CHRD: variants seen among roughly 807,000 people sequenced by gnomAD.
The protein encoded by CHRD is chordin.
Under a neutral mutation model 113.7 loss-of-function variants are expected in CHRD, and 69 were observed. That is an observed-to-expected ratio of 0.61 (90% CI 0.50 to 0.74). CHRD has a LOEUF of 0.74. CHRD is among the 30% of genes least tolerant of loss of function. CHRD has a pLI of 0.00. For synonymous variants in CHRD, 561 were observed against 540.8 expected (o/e 1.04, Z -0.52); for missense variants, 1,194 against 1,295.8 (o/e 0.92, Z 1.21).
chr3:184,390,470 T>C (rs1716986653), downstream of CHRD: 1 of 151,990 alleles, frequency 6.6e-6, no homozygotes. Context: ...AAACTCGTGT[T>C]CTGGACCAGT....
Position 184,388,236 on chromosome 3 carries a change from C to T in CHRD, c.2554+203C>T, listed in dbSNP as rs1347183583. Among the ~76,000 whole-genome samples the T allele has an allele frequency of 2.2e-5, 3 of 136,078 alleles. No individual in the cohort carries two copies. Among genetic ancestry groups the T allele is most frequent in the Admixed American group, 1.6e-4 (2 of 12,748 alleles). 89.3% of individuals were successfully genotyped at this position (136,078 alleles called of 152,430 possible). A position where few individuals can be genotyped will look rare whatever the true frequency, so the allele number is the denominator to read the frequency against. On this transcript the variant is annotated intron_variant, in intron 20 of 22. Coordinates refer to ENST00000204604, the Ensembl canonical transcript of CHRD. The surrounding 1 kb of genome is among the most constrained non-coding windows in gnomAD (Gnocchi z 6.1). Reference sequence around the variant, plus strand: ...GGTTCTGGTTCCTGCTCCATCCATCCGTCCATCCATCCATCCATCCATCCA... The same window carrying T: ...GGTTCTGGTTCCTGCTCCATCCATCTGTCCATCCATCCATCCATCCATCCA...
Position 184,383,179 on chromosome 3 carries a change from G to GGA in CHRD, c.1213+17_1213+18insAG, listed in dbSNP as rs1715740714. 1 of 1,593,832 alleles carries GGA rather than the reference G, an allele frequency of 6.3e-7. No individual in the cohort carries two copies. The highest frequency in any genetic ancestry group is 1.7e-5 in the Admixed American group (1 of 59,154). ...AGCTGCGACGGTGAGGCGGGGGGGG[G>GGA]GCCTGGTGCGCCGGGCATGCACAAC... On this transcript the variant is annotated intron_variant, in intron 10 of 22. Transcript: ENST00000204604.
At position 184,387,333 on chromosome 3, in the gene CHRD, T is replaced by G; in HGVS notation, c.2348-41T>G. ...AAGCCTTGGTTGTGGGCCCAGCTGA[T>G]GAGCTCATACTAATGGCTGCTGGGC... On this transcript the variant is annotated intron_variant, in intron 18 of 22. Coordinates refer to ENST00000204604, the Ensembl canonical transcript of CHRD. The surrounding 1 kb of genome is among the most constrained non-coding windows in gnomAD (Gnocchi z 6.1). 2.1e-4 allele frequency: 335 copies of G among 1,569,462 alleles called. No homozygotes were observed. The highest frequency in any genetic ancestry group is 2.6e-4 in the Non-Finnish European group (303 of 1,156,196).
Position 184,380,444 on chromosome 3 carries a change from G to T in CHRD, c.126G>T (p.Pro42=). ...TGCCCATCCGTTCTGAGAAGGAGCC[G>T]CTGCCCGTTCGGGGAGCGGCAGGTA... is the stretch of plus-strand genomic sequence containing the variant. Residue 42 remains proline (P), a synonymous_variant, in exon 1 of 23, where the codon CCG becomes CCT. Coordinates refer to ENST00000204604, the Ensembl canonical transcript of CHRD. The surrounding 1 kb of genome is among the most constrained non-coding windows in gnomAD (Gnocchi z 6.3). The T allele has an allele frequency of 8.8e-6, 11 of 1,244,930 alleles. No homozygotes were observed. The highest frequency in any genetic ancestry group is 1.1e-5 in the Non-Finnish European group (11 of 989,958). The allele number at this position is 1,244,930 out of a possible 1,614,324, so 77.1% of individuals were successfully genotyped here.
chr3:184,387,900 C>T lies in CHRD; in HGVS notation c.2452-31C>T, dbSNP rs1166712797. The T allele has an allele frequency of 6.3e-7, 1 of 1,581,430 alleles. No individual in the cohort carries two copies. The highest frequency in any genetic ancestry group is 1.1e-5 in the South Asian group (1 of 87,630). ...GGCAGGAGGCTTATGTGCCCCCTGC[C>T]TGACACTCCTTGCTCAATGGATCCC... On this transcript the variant is annotated intron_variant, in intron 19 of 22. Transcript: ENST00000204604. The surrounding 1 kb of genome is among the most constrained non-coding windows in gnomAD (Gnocchi z 6.1).
chr3:184,381,655 T>C lies in CHRD; in HGVS notation c.511+31T>C, dbSNP rs1201631570. 1.2e-6 allele frequency: 2 copies of C among 1,605,038 alleles called. No individual in the cohort carries two copies. The highest frequency in any genetic ancestry group is 1.3e-5 in the African/African-American group (1 of 74,810). ...GGGCTGGCGAACAGCGGGGTTGTGG[T>C]TGAGGCTGGGCCACCAAAGCGGCGT... is the stretch of plus-strand genomic sequence containing the variant. On this transcript the variant is annotated intron_variant, in intron 4 of 22. Coordinates refer to ENST00000204604, the Ensembl canonical transcript of CHRD. The surrounding 1 kb of genome is among the most constrained non-coding windows in gnomAD (Gnocchi z 4.7).
At chr3:184,382,610 C>T in intron 7 of CHRD, 24 bp from the exon 8 acceptor site, 2 of 1,610,698 alleles carry the variant, frequency 1.2e-6, no homozygotes, top group Non-Finnish European at 8.5e-7. Flanking sequence ...TTCTGACGGG[C>T]TCTCATCATC....
At chr3:184,385,935 T>C (rs1577401975) in intron 14 of CHRD, 111 bp from the exon 15 acceptor site, 1 of 1,120,998 alleles carries the variant, frequency 8.9e-7, no homozygotes, top group East Asian at 2.4e-5. Flanking sequence ...TTTGCTACCA[T>C]GAAGACTTTA....
At chr3:184,385,300 G>T in intron 14 of CHRD, 62 bp downstream of exon 14, 1 of 1,263,718 alleles carries the variant, frequency 7.9e-7, no homozygotes, top group Non-Finnish European at 1.1e-6. Context: ...GAAGGGCTGT[G>T]TGGGCCTGTG....
rs201217692 is a variant in CHRD, at chr3:184,387,137, A to G, written c.2347+30A>G. The G allele has an allele frequency of 2.7e-4, 427 of 1,601,450 alleles. 7 individuals carry two copies. The East Asian group carries it at 6.5e-3, about 24-fold the overall frequency. Reference sequence around the variant, plus strand: ...GCTGGAAGGGTGCGTGCAGGGTGGGAGGCCCCAGAGGAGCCATTAGGTTGA... The same window carrying G: ...GCTGGAAGGGTGCGTGCAGGGTGGGGGGCCCCAGAGGAGCCATTAGGTTGA... On this transcript the variant is annotated intron_variant, in intron 18 of 22. Coordinates refer to ENST00000204604, the Ensembl canonical transcript of CHRD. This position sits in a 1 kb window ranked among gnomAD's most constrained non-coding sequence, Gnocchi z 6.1.
In CHRD at chr3:184,388,014, C is replaced by T. The variant is rs1716595168; in HGVS notation, c.2535C>T (p.Asp845=). 6.2e-7 allele frequency: 1 copy of T among 1,613,684 alleles called. No homozygotes were observed. The highest frequency in any genetic ancestry group is 8.5e-7 in the Non-Finnish European group (1 of 1,179,918). The stretch of plus-strand genomic sequence containing the variant: ...AGCCTGTGCGTGTCAACCCCACCGA[C>T]TGCTGCAAACAGTGTCCAGGTGAGA... Residue 845 remains aspartate, a synonymous_variant, in exon 20 of 23, where the codon GAC becomes GAT. Coordinates refer to ENST00000204604, the Ensembl canonical transcript of CHRD. The surrounding 1 kb of genome is among the most constrained non-coding windows in gnomAD (Gnocchi z 6.1).
chr3:184,385,987 G>T (rs1236095883), intron 14 of CHRD, 59 bp from the exon 15 acceptor site: 1 of 1,545,210 alleles, frequency 6.5e-7, no homozygotes, highest in Admixed American at 1.7e-5. Context: ...TGTGAACTGG[G>T]GACAGTAGGC....
rs2108637729 is a variant in CHRD at position 184,380,823 on chromosome 3, C to T, written c.252+28C>T. The T allele has an allele frequency of 4.6e-6, 7 of 1,529,114 alleles. No individual in the cohort carries two copies. In the South Asian group the frequency reaches 6.1e-5, roughly 13 times the overall value. 94.7% of individuals were successfully genotyped at this position (1,529,114 alleles called of 1,614,324 possible). ...GAGTGCACCCCGCGGCCGGCCCGGGCCCTGGCGGGTGGGGAGCGCCGGGTC... is the reference window on the plus strand; with the variant it reads ...GAGTGCACCCCGCGGCCGGCCCGGGTCCTGGCGGGTGGGGAGCGCCGGGTC... On this transcript the variant is annotated intron_variant, in intron 2 of 22. Transcript: ENST00000204604. The surrounding 1 kb of genome is among the most constrained non-coding windows in gnomAD (Gnocchi z 6.3).
chr3:184,387,081 T>C lies in CHRD; in HGVS notation c.2321T>C (p.Leu774Pro). Residue 774 changes from leucine to proline, a missense_variant, in exon 18 of 23, where the codon CTG (leucine) becomes CCG (proline). Transcript: ENST00000204604. The surrounding 1 kb of genome is among the most constrained non-coding windows in gnomAD (Gnocchi z 6.1). ...CAAGATGTCAGAGACTTGCCAGGGC[T>C]GCCAAGGAGCCGGGACCCAGGAGAG... is the stretch of plus-strand genomic sequence containing the variant. 1 of 1,613,746 alleles carries C rather than the reference T, an allele frequency of 6.2e-7. No individual in the cohort carries two copies. The highest frequency in any genetic ancestry group is 8.5e-7 in the Non-Finnish European group (1 of 1,179,920).
chr3:184,383,779 T>A, intron 12 of CHRD, 137 bp downstream of exon 12: 1 of 808,730 alleles, frequency 1.2e-6, no homozygotes, highest in Non-Finnish European at 1.8e-6. Flanking sequence ...ATTTGACTTT[T>A]TTTTTTTTTT....
chr3:184,382,487 G>A lies in CHRD; in HGVS notation c.798G>A (p.Gly266=), dbSNP rs1248316807. 5.6e-6 allele frequency: 9 copies of A among 1,613,964 alleles called. No individual in the cohort carries two copies. In the African/African-American group the frequency reaches 8.0e-5, roughly 14 times the overall value. ...TTGTGACACTCACTCACCCTTCAGG[G>A]GAGGTCTGGGGGCCTCTCATCCGGC... The change falls in exon 7 of 23, where the codon GGG becomes GGA. Residue 266 remains glycine (G), a synonymous_variant. Transcript: ENST00000204604.
Position 184,382,049 on chromosome 3 carries a change from C to T in CHRD, c.699+29C>T, listed in dbSNP as rs1285142304. On this transcript the variant is annotated intron_variant, in intron 6 of 22. Coordinates refer to ENST00000204604, the Ensembl canonical transcript of CHRD. ...AGATGATGCCATTTATGAGCACTTG[C>T]CCAGTCTGGGCACTGTGCCGAGAGC... 5 of 1,611,562 alleles carry T rather than the reference C, an allele frequency of 3.1e-6. No homozygotes were observed. The African/African-American group carries it at 5.3e-5, about 17-fold the overall frequency.
Position 184,380,688 on chromosome 3 carries a change from G to T in CHRD, c.149-4G>T, listed in dbSNP as rs754935921. ...GCGGCCTCCAGCCAAGCCCGTCCCC[G>T]CAGGCTGCACCTTCGGCGGGAAGGT... On this transcript the variant is annotated splice_polypyrimidine_tract_variant and splice_region_variant and intron_variant, in intron 1 of 22. Transcript: ENST00000204604. The surrounding 1 kb of genome is among the most constrained non-coding windows in gnomAD (Gnocchi z 6.3). The T allele has an allele frequency of 2.5e-6, 4 of 1,578,700 alleles. No homozygotes were observed. The highest frequency in any genetic ancestry group is 2.3e-5 in the South Asian group (2 of 87,698).
In CHRD at chr3:184,386,651, C is replaced by CG; in HGVS notation, c.2094dup (p.Pro699AlafsTer41). 1.2e-6 allele frequency: 2 copies of CG among 1,610,612 alleles called. No homozygotes were observed. Among genetic ancestry groups the CG allele is most frequent in the Non-Finnish European group, 1.7e-6 (2 of 1,179,648 alleles). ...GCCCGCCAAACCTGGTGGTCCTGGG[C>CG]GGCCCCGAGACCCCAACACATGCTT... On this transcript the variant is annotated frameshift_variant, in exon 16 of 23. Coordinates refer to ENST00000204604, the Ensembl canonical transcript of CHRD. LOFTEE classifies it high-confidence loss of function.
Sources: allele counts gnomAD v4.1 joint callset (sites outside exome capture counted in the v4.1 genomes callset), GRCh38; gene constraint gnomAD v4.1.1; non-coding constraint Gnocchi (gnomAD v3.1); transcripts MANE v1.5; gene names NCBI Gene and HGNC (gene_info 2026-07-23, HGNC 2026-07-21).